The following SLIT1 variants were observed in gnomAD, a reference collection of about 807,000 sequenced individuals.
The protein encoded by SLIT1 is slit guidance ligand 1.
Under a neutral mutation model 186.1 loss-of-function variants are expected in SLIT1, and 66 were observed. The observed-to-expected ratio is 0.35, with a 90% CI of 0.29 to 0.44. SLIT1 has a LOEUF of 0.44. Among genes scored for constraint, SLIT1 ranks in the 20% least tolerant of loss-of-function variants. The pLI, the probability that SLIT1 is intolerant of heterozygous loss-of-function variation, is 1.00. For synonymous variants in SLIT1, 761 were observed against 833.8 expected, an observed-to-expected ratio of 0.91 and a Z score of 1.50; for missense variants, 1,638 against 2,037.4, an observed-to-expected ratio of 0.80 and a Z score of 3.77.
At position 97,097,512 on chromosome 10, in the gene SLIT1, G is replaced by A. The variant is rs556334642; in HGVS notation, c.414-31426C>T. On this transcript the variant is annotated intron_variant, in intron 4 of 36. Transcript: ENST00000266058. Reference sequence around the variant, plus strand: ...AGGTGAGAACGATGCTTCTGTGGGAGGAAAAACTAGCTGTTAAAAGCATAG... The same window carrying A: ...AGGTGAGAACGATGCTTCTGTGGGAAGAAAAACTAGCTGTTAAAAGCATAG... Among the ~76,000 whole-genome samples, 4 of 152,338 alleles carry A rather than the reference G, an allele frequency of 2.6e-5. No individual in the cohort carries two copies. In the South Asian group the frequency reaches 6.2e-4, roughly 24 times the overall value.
chr10:97,139,556 C>A (rs1849737454), intron 4 of SLIT1, among the ~76,000 whole-genome samples: 1 of 152,136 alleles, frequency 6.6e-6, no homozygotes, highest in Non-Finnish European at 1.5e-5. Context: ...AAACCCCTGT[C>A]AACAAGCACA....
chr10:97,122,579 C>T (rs1352269980), intron 4 of SLIT1, among the ~76,000 whole-genome samples: 1 of 152,116 alleles, frequency 6.6e-6, no homozygotes, highest in Non-Finnish European at 1.5e-5. Context: ...GAGTGTGTTA[C>T]ACAAGTGCAT....
intron 4 of SLIT1, among the ~76,000 whole-genome samples, chr10:97,155,599 G>T (rs1849939477): frequency 6.6e-6 from 1 of 152,186 alleles, no homozygotes; most frequent in African/African-American, 2.4e-5. Flanking sequence ...TAAAATCAAT[G>T]AGGGAGAGTG....
At chr10:97,112,986 G>A (rs1483121398) in intron 4 of SLIT1, among the ~76,000 whole-genome samples, 2 of 152,020 alleles carry the variant, frequency 1.3e-5, no homozygotes, top group South Asian at 2.1e-4. Flanking sequence ...GAGCCACCAC[G>A]TCCAGTTATT....
intron 1 of SLIT1, among the ~76,000 whole-genome samples, chr10:97,178,220 G>A (rs1395568178): frequency 2.6e-5 from 4 of 152,134 alleles, no homozygotes. Context: ...AGAGAAGCCT[G>A]GCAGACATCA....
intron 4 of SLIT1, among the ~76,000 whole-genome samples, chr10:97,124,608 C>T (rs556073710): frequency 6.6e-6 from 1 of 152,306 alleles, no homozygotes; most frequent in Non-Finnish European, 1.5e-5. Flanking sequence ...TCAATTCCAG[C>T]CTGAGAGGGC....
At chr10:97,162,765 G>A (rs1850045936) in intron 3 of SLIT1, among the ~76,000 whole-genome samples, 1 of 113,830 alleles carries the variant, frequency 8.8e-6, no homozygotes, top group African/African-American at 3.2e-5. Flanking sequence ...CTTTCAGAAG[G>A]ACGAGATCGG....
At chr10:97,062,663 C>T (rs933397040) in intron 8 of SLIT1, among the ~76,000 whole-genome samples, 1 of 152,200 alleles carries the variant, frequency 6.6e-6, no homozygotes, top group Non-Finnish European at 1.5e-5. Flanking sequence ...GGGCTGGGGG[C>T]ACCTGCACCA....
intron 1 of SLIT1, among the ~76,000 whole-genome samples, chr10:97,166,104 G>A (rs898311578): frequency 6.6e-6 from 1 of 152,060 alleles, no homozygotes. Flanking sequence ...ATGTTCACCT[G>A]CAGCCCAGTC....
chr10:97,018,932 T>A, intron 27 of SLIT1, 51 bp downstream of exon 27: 1 of 1,153,338 alleles, frequency 8.7e-7, no homozygotes, highest in East Asian at 2.4e-5. Flanking sequence ...GGGACAGCCC[T>A]GCAGTGTACA....
chr10:97,002,173 C>T lies in SLIT1; in HGVS notation c.4351G>A (p.Glu1451Lys), dbSNP rs267602656. 2.0e-5 allele frequency: 30 copies of T among 1,482,760 alleles called. No homozygotes were observed. The highest frequency in any genetic ancestry group is 4.9e-5 in the East Asian group (2 of 40,546). 91.9% of individuals were successfully genotyped at this position (1,482,760 alleles called of 1,614,324 possible). ...HCVCDPGFSG[E>K]LCEQESECRG... ...GGCCCCTGACCTTGCTCACACAGCTCGCCCGAAAAGCCGGGGTCACACACA... is the reference window on the plus strand; with the variant it reads ...GGCCCCTGACCTTGCTCACACAGCTTGCCCGAAAAGCCGGGGTCACACACA... The change falls in exon 36 of 37, where the codon GAG (glutamate) becomes AAG (lysine). Residue 1451 changes from glutamate to lysine, a missense_variant. Around this residue, in one of 3 missense-constraint regions of SLIT1, gnomAD observed 220 missense variants for 211.3 expected, o/e 1.04. Coordinates refer to ENST00000266058, the MANE Select transcript of SLIT1 (RefSeq NM_003061.3).
intron 4 of SLIT1, among the ~76,000 whole-genome samples, chr10:97,131,470 C>T (rs1849653726): frequency 6.6e-6 from 1 of 152,230 alleles, no homozygotes; most frequent in Non-Finnish European, 1.5e-5. Flanking sequence ...CATGCCTCTG[C>T]CAGCCATGCT....
intron 20 of SLIT1, among the ~76,000 whole-genome samples, chr10:97,041,008 T>C (rs959889910): frequency 1.3e-5 from 2 of 152,156 alleles, no homozygotes; most frequent in African/African-American, 2.4e-5. Flanking sequence ...TATTAGCCCA[T>C]TGGAGCAATG....
chr10:97,118,967 G>A (rs1318304474), intron 4 of SLIT1, among the ~76,000 whole-genome samples: 1 of 152,180 alleles, frequency 6.6e-6, no homozygotes, highest in Non-Finnish European at 1.5e-5. Flanking sequence ...ATACATCCCT[G>A]CTCTGACATG....
chr10:97,041,718 G>A (rs183900877), intron 20 of SLIT1, among the ~76,000 whole-genome samples: 9 of 152,210 alleles, frequency 5.9e-5, no homozygotes, highest in East Asian at 1.9e-4. Flanking sequence ...GGATCTGCCC[G>A]CCTCGGCCTC....
At chr10:97,087,862 G>A (rs1465775595) in intron 4 of SLIT1, among the ~76,000 whole-genome samples, 1 of 152,114 alleles carries the variant, frequency 6.6e-6, no homozygotes, top group East Asian at 1.9e-4. Context: ...AACACAGCCA[G>A]GTTGGAGAAC....
chr10:97,042,473 T>C (rs1232899589), intron 20 of SLIT1, among the ~76,000 whole-genome samples: 2 of 152,020 alleles, frequency 1.3e-5, no homozygotes, highest in Non-Finnish European at 1.5e-5. Flanking sequence ...CAGGGTTTCC[T>C]ACATATGGGG....
At chr10:97,121,964 C>T (rs148405698) in intron 4 of SLIT1, among the ~76,000 whole-genome samples, 2 of 152,302 alleles carry the variant, frequency 1.3e-5, no homozygotes, top group African/African-American at 4.8e-5. Flanking sequence ...GCAAGTAACA[C>T]AGGAATTAAC....
chr10:97,179,127 C>A (rs550825698), intron 1 of SLIT1, among the ~76,000 whole-genome samples: 1 of 152,300 alleles, frequency 6.6e-6, no homozygotes, highest in South Asian at 2.1e-4. Context: ...AATTCAATCC[C>A]TCCTCCCCAT....
Sources: allele counts gnomAD v4.1 joint callset (sites outside exome capture counted in the v4.1 genomes callset), GRCh38; gene constraint gnomAD v4.1.1; regional missense constraint gnomAD v4.1.1; transcripts MANE v1.5; gene names NCBI Gene and HGNC (gene_info 2026-07-23, HGNC 2026-07-21).